Variants in SCNN1B observed in about 807,000 individuals in gnomAD.
SCNN1B encodes sodium channel epithelial 1 subunit beta.
In SCNN1B, 46 loss-of-function variants were observed where a neutral mutation model predicts 65.3. That is an observed-to-expected ratio of 0.70 (90% CI 0.56 to 0.90). SCNN1B has a LOEUF of 0.90. SCNN1B is among the 40% of genes least tolerant of loss of function. The pLI is 0.00. For missense variants in SCNN1B, 751 were observed against 830.5 expected, an observed-to-expected ratio of 0.90 and a Z score of 1.18; for synonymous variants, 349 against 330.6, an observed-to-expected ratio of 1.06 and a Z score of -0.60.
chr16:23,356,975 A>C (rs1962433745), intron 4 of SCNN1B, among the ~76,000 whole-genome samples: 6 of 152,254 alleles, frequency 3.9e-5, no homozygotes, highest in Admixed American at 3.9e-4. Flanking sequence ...CTGAGGCCTC[A>C]GAGCCCCTTG....
chr16:23,375,834 A>T lies in SCNN1B; in HGVS notation c.1249A>T (p.Asn417Tyr). The T allele has an allele frequency of 6.2e-7, 1 of 1,612,852 alleles. No individual in the cohort carries two copies. The highest frequency in any genetic ancestry group is 8.5e-7 in the Non-Finnish European group (1 of 1,178,804). ...GCCCCGTGGGGAGAAATACTGCAAC[A>T]ACCGGGACTTCCCAGACTGGGGTGA... ...PLPRGEKYCN[N>Y]RDFPDWAHCY... Residue 417 changes from asparagine to tyrosine, a missense_variant, in exon 8 of 13, where the codon AAC (asparagine) becomes TAC (tyrosine). Physicochemically the swap from Asn to Tyr is moderately radical, Grantham distance 143. Coordinates refer to ENST00000343070, the MANE Select transcript of SCNN1B (RefSeq NM_000336.3).
intron 1 of SCNN1B, among the ~76,000 whole-genome samples, chr16:23,322,304 T>C (rs1961605476): frequency 6.6e-6 from 1 of 152,036 alleles, no homozygotes; most frequent in Non-Finnish European, 1.5e-5. Context: ...TAAAATTTTT[T>C]TCATTTTCTC....
At chr16:23,310,786 A>T (rs763927220) in intron 1 of SCNN1B, among the ~76,000 whole-genome samples, 21 of 152,406 alleles carry the variant, frequency 1.4e-4, no homozygotes, top group Admixed American at 2.6e-4. Flanking sequence ...TGTACATTGA[A>T]TTCACACAGA....
At chr16:23,304,070 C>T in intron 1 of SCNN1B, 1 of 1,535,952 alleles carries the variant, frequency 6.5e-7, no homozygotes, top group South Asian at 1.2e-5. Context: ...ATAATGCCTA[C>T]CGATGGGAAT....
chr16:23,350,711 G>A (rs987194775), intron 2 of SCNN1B, among the ~76,000 whole-genome samples: 5 of 152,000 alleles, frequency 3.3e-5, no homozygotes, highest in African/African-American at 1.2e-4. Context: ...TCAGGAGTTC[G>A]AGACCAGCCT....
intron 1 of SCNN1B, among the ~76,000 whole-genome samples, chr16:23,325,928 T>A (rs895624419): frequency 7.0e-6 from 1 of 142,334 alleles, no homozygotes; most frequent in Admixed American, 6.9e-5. Context: ...TAAATATAAA[T>A]AAAAGCCACA....
rs1567290366 is a variant in SCNN1B, at chr16:23,305,561, TATATATATATATATATTA to T, written c.-9+3125_-9+3142del. On this transcript the variant is annotated intron_variant, in intron 1 of 12. Coordinates refer to ENST00000343070, the MANE Select transcript of SCNN1B (RefSeq NM_000336.3). ...ATATATATATATATATATATATATA[TATATATATATATATATTA>T]TATATATATATATATATATAACCTG... 8.0e-4 allele frequency among the ~76,000 whole-genome samples: 54 copies of T among 67,406 alleles called. 4 individuals carry two copies. The highest frequency in any genetic ancestry group is 2.5e-3 in the African/African-American group (34 of 13,426). 44.2% of individuals were successfully genotyped at this position (67,406 alleles called of 152,430 possible). A position where few individuals can be genotyped will look rare whatever the true frequency, so the allele number is the denominator to read the frequency against.
chr16:23,355,028 G>A (rs1338318848), intron 3 of SCNN1B, among the ~76,000 whole-genome samples: 1 of 152,120 alleles, frequency 6.6e-6, no homozygotes, highest in Non-Finnish European at 1.5e-5. Context: ...GTTGCTGAGG[G>A]GTCTCCTAAC....
intron 5 of SCNN1B, 111 bp downstream of exon 5, chr16:23,368,070 C>T (rs1962709654): frequency 1.1e-6 from 1 of 889,870 alleles, no homozygotes; most frequent in Non-Finnish European, 1.9e-6. Flanking sequence ...GGGACCAAGG[C>T]ATCAAGAGGA....
Position 23,348,845 on chromosome 16 carries a change from C to T in SCNN1B, c.246C>T (p.Ser82=), listed in dbSNP as rs757137077. The change falls in exon 2 of 13, where the codon TCC becomes TCT. Residue 82 remains serine, a synonymous_variant. Coordinates refer to ENST00000343070, the MANE Select transcript of SCNN1B (RefSeq NM_000336.3). The surrounding 1 kb of genome is among the most constrained non-coding windows in gnomAD (Gnocchi z 4.5). ...ACTTGAGCTGGGAGGTCAGCGTCTC[C>T]CTCTCCGTAGGCTTCAAGACCATGG... The part of the protein sequence containing the change: ...RTYLSWEVSV[S]LSVGFKTMDF... 46 of 1,614,006 alleles carry T rather than the reference C, an allele frequency of 2.9e-5. No homozygotes were observed. The highest frequency in any genetic ancestry group is 3.7e-5 in the Non-Finnish European group (44 of 1,180,032).
chr16:23,380,399 C>T lies in SCNN1B; in HGVS notation c.1543-22C>T, dbSNP rs1364724686. Reference sequence around the variant, plus strand: ...GCAAGAATGTGTGGCCTGAGCTCACCCCAGCTCCCTGTTCCCCACAGATCG... The same window carrying T: ...GCAAGAATGTGTGGCCTGAGCTCACTCCAGCTCCCTGTTCCCCACAGATCG... On this transcript the variant is annotated intron_variant, in intron 12 of 12. Coordinates refer to ENST00000343070, the MANE Select transcript of SCNN1B (RefSeq NM_000336.3). The surrounding 1 kb of genome is among the most constrained non-coding windows in gnomAD (Gnocchi z 5.4). The T allele has an allele frequency of 3.7e-6, 6 of 1,613,854 alleles. No homozygotes were observed. In the African/African-American group the frequency reaches 4.0e-5, roughly 11 times the overall value.
At chr16:23,280,007 G>A (rs978491612) in intron 1 of SCNN1B, among the ~76,000 whole-genome samples, 4 of 152,134 alleles carry the variant, frequency 2.6e-5, no homozygotes, top group Non-Finnish European at 5.9e-5. Flanking sequence ...TAGCACCACC[G>A]AAATTTTGCC....
chr16:23,344,967 C>T (rs1363895968), intron 1 of SCNN1B, among the ~76,000 whole-genome samples: 1 of 151,836 alleles, frequency 6.6e-6, no homozygotes, highest in Non-Finnish European at 1.5e-5. Context: ...GCACCCCAGC[C>T]TGGGCAACAG....
At chr16:23,325,461 T>TA (rs1961675659) in intron 1 of SCNN1B, among the ~76,000 whole-genome samples, 1 of 151,334 alleles carries the variant, frequency 6.6e-6, no homozygotes, top group Non-Finnish European at 1.5e-5. Flanking sequence ...GAGACGGGAT[T>TA]TCACCATGTT....
At chr16:23,278,551 C>T (rs1049880662) in intron 1 of SCNN1B, among the ~76,000 whole-genome samples, 1 of 151,270 alleles carries the variant, frequency 6.6e-6, no homozygotes, top group African/African-American at 2.4e-5. Flanking sequence ...CTGCCAATTG[C>T]CAGGGGGTAG....
chr16:23,365,759 C>G (rs1318054097), intron 4 of SCNN1B, among the ~76,000 whole-genome samples: 3 of 152,202 alleles, frequency 2.0e-5, no homozygotes, highest in Non-Finnish European at 4.4e-5. Context: ...CCTCAACAAA[C>G]ATTTATTGGG....
chr16:23,371,206 C>T (rs1254891228), intron 5 of SCNN1B, 93 bp from the exon 6 acceptor site: 3 of 1,463,328 alleles, frequency 2.1e-6, no homozygotes, highest in African/African-American at 1.4e-5. Flanking sequence ...CTGGAGGTCC[C>T]CTGGCCGGAG....
intron 2 of SCNN1B, among the ~76,000 whole-genome samples, chr16:23,291,011 C>T (rs1257750700): frequency 6.6e-6 from 1 of 151,600 alleles, no homozygotes; most frequent in Non-Finnish European, 1.5e-5. Flanking sequence ...TGACCACACA[C>T]CTTAAAAAAA....
intron 1 of SCNN1B, among the ~76,000 whole-genome samples, chr16:23,307,402 C>A (rs572802360): frequency 8.1e-5 from 12 of 148,812 alleles, no homozygotes; most frequent in Admixed American, 2.7e-4. Context: ...TCACTGCAAC[C>A]TCCACTTCCC....
Sources: gnomAD v4.1 joint callset for allele counts (sites outside exome capture counted in the v4.1 genomes callset) on GRCh38, gnomAD v4.1.1 for gene constraint, Gnocchi (gnomAD v3.1) non-coding constraint, MANE v1.5 for transcripts, NCBI Gene and HGNC (gene_info 2026-07-23, HGNC 2026-07-21) for gene names.